The following MAPKAPK3 variants were observed in gnomAD, a reference collection of about 807,000 sequenced individuals.
MAPKAPK3 encodes the protein MAP kinase-activated protein kinase 3.
A neutral mutation model predicts 49.2 loss-of-function variants in MAPKAPK3; 35 were observed. The ratio of observed to expected loss-of-function variants is 0.71; its 90% CI spans 0.54 to 0.94. The LOEUF is 0.94. MAPKAPK3 is among the 40% of genes least tolerant of loss of function. The pLI, the probability that MAPKAPK3 is intolerant of heterozygous loss-of-function variation, is 0.00. For synonymous variants in MAPKAPK3, 178 were observed against 188.7 expected (o/e 0.94, Z 0.46); for missense variants, 398 against 493.1 (o/e 0.81, Z 1.83).
intron 2 of MAPKAPK3, among the ~76,000 whole-genome samples, chr3:50,623,050 G>T (rs2032648207): frequency 6.6e-6 from 1 of 152,200 alleles, no homozygotes; most frequent in South Asian, 2.1e-4. Context: ...AAGCTGCCAG[G>T]CAGGCCAGGC....
rs969400582 is a variant in MAPKAPK3, at chr3:50,617,881, T to C, written c.219+97T>C. On this transcript the variant is annotated intron_variant, in intron 2 of 10. Coordinates refer to ENST00000621469, the MANE Select transcript of MAPKAPK3 (RefSeq NM_001243925.2). ...TCTAGCGCCCCTGCTAAGCTTCCTA[T>C]GCTCAGCAACATGTTTCATCGTCAT... The C allele has an allele frequency of 4.9e-5, 45 of 913,490 alleles. No individual in the cohort carries two copies. The African/African-American group carries it at 6.4e-4, about 13-fold the overall frequency. The allele number at this position is 913,490 out of a possible 1,614,324, so 56.6% of individuals were successfully genotyped here.
rs1446697428 is a variant in MAPKAPK3, at chr3:50,617,756, G to A, written c.191G>A (p.Arg64Gln). The change falls in exon 2 of 11, where the codon CGG becomes CAG. Residue 64 changes from arginine (R) to glutamine (Q), a missense_variant. Transcript: ENST00000621469. ...VNGKVLECFHRRTGQKCALKL... is the reference protein window; with the variant it reads ...VNGKVLECFHQRTGQKCALKL... ...GGCAAAGTGCTGGAGTGCTTCCATC[G>A]GCGCACTGGACAGAAGTGTGCCCTG... 2 of 1,613,612 alleles carry A rather than the reference G, an allele frequency of 1.2e-6. No homozygotes were observed. The highest frequency in any genetic ancestry group is 1.7e-6 in the Non-Finnish European group (2 of 1,180,010).
At chr3:50,620,229 G>A (rs34632971) in intron 2 of MAPKAPK3, among the ~76,000 whole-genome samples, 14,235 of 152,092 alleles carry the variant, frequency 0.094, 827 homozygotes, top group Non-Finnish European at 0.12. Flanking sequence ...GGAAGACCAG[G>A]ACCTGGGGAC....
chr3:50,636,460 T>C (rs1055016313), intron 2 of MAPKAPK3, among the ~76,000 whole-genome samples: 2 of 152,248 alleles, frequency 1.3e-5, no homozygotes, highest in Non-Finnish European at 2.9e-5. Flanking sequence ...TTGTATGTTG[T>C]GAGCAAGTGC....
intron 2 of MAPKAPK3, among the ~76,000 whole-genome samples, chr3:50,624,247 G>A (rs1329325881): frequency 1.3e-5 from 2 of 152,140 alleles, no homozygotes; most frequent in South Asian, 2.1e-4. Context: ...GGCACAGGGT[G>A]TATGTGTGTG....
intron 2 of MAPKAPK3, among the ~76,000 whole-genome samples, chr3:50,630,933 G>A (rs1041257723): frequency 3.9e-5 from 6 of 152,232 alleles, no homozygotes; most frequent in African/African-American, 1.4e-4. Flanking sequence ...GGGACAGACT[G>A]TTGTCCTGTA....
chr3:50,620,034 T>G (rs1289147865), intron 2 of MAPKAPK3, among the ~76,000 whole-genome samples: 1 of 152,224 alleles, frequency 6.6e-6, no homozygotes. Context: ...AGGACCTTCC[T>G]GTTCTTAGTA....
At chr3:50,625,476 G>A (rs753415201) in intron 2 of MAPKAPK3, among the ~76,000 whole-genome samples, 3 of 152,216 alleles carry the variant, frequency 2.0e-5, no homozygotes, top group African/African-American at 7.2e-5. Flanking sequence ...TGTGGGAACC[G>A]TGGAGGTTTG....
chr3:50,641,412 A>C (rs990059265), intron 3 of MAPKAPK3, among the ~76,000 whole-genome samples: 4 of 152,194 alleles, frequency 2.6e-5, no homozygotes, highest in South Asian at 2.1e-4. Flanking sequence ...TGGGGTTGGG[A>C]GTACCCAAGC....
chr3:50,639,469 T>C (rs2033122335), intron 2 of MAPKAPK3, among the ~76,000 whole-genome samples: 1 of 152,132 alleles, frequency 6.6e-6, no homozygotes, highest in African/African-American at 2.4e-5. Flanking sequence ...TGGTACTGCA[T>C]AGCAGCTCCC....
At chr3:50,617,294 T>G in intron 1 of MAPKAPK3, 53 bp downstream of exon 1, 3 of 347,128 alleles carry the variant, frequency 8.6e-6, no homozygotes, top group East Asian at 4.5e-5. Flanking sequence ...CTCGCGGCCA[T>G]TAGGCGCCCG....
At chr3:50,645,299 A>T (rs940613738) in intron 6 of MAPKAPK3, among the ~76,000 whole-genome samples, 1 of 152,164 alleles carries the variant, frequency 6.6e-6, no homozygotes, top group Non-Finnish European at 1.5e-5. Flanking sequence ...CTGATGATGG[A>T]ATGCAGAGCC....
At chr3:50,637,468 C>T (rs1156540915) in intron 2 of MAPKAPK3, among the ~76,000 whole-genome samples, 1 of 151,738 alleles carries the variant, frequency 6.6e-6, no homozygotes, top group Non-Finnish European at 1.5e-5. Flanking sequence ...AACCCCATCT[C>T]CACTAAAAAT....
intron 9 of MAPKAPK3, 93 bp downstream of exon 9, chr3:50,646,918 G>A: frequency 4.5e-6 from 6 of 1,329,426 alleles, no homozygotes; most frequent in South Asian, 1.2e-5. Context: ...AGGCCCCAGT[G>A]CAGGGCTGGA....
chr3:50,641,101 A>AGATGTAAGAT (rs2033167636), intron 3 of MAPKAPK3, among the ~76,000 whole-genome samples: 1 of 152,174 alleles, frequency 6.6e-6, no homozygotes, highest in Non-Finnish European at 1.5e-5. Context: ...AATCTCTGTA[A>AGATGTAAGAT]CTCAGATGTA....
At chr3:50,638,553 G>A (rs2033096380) in intron 2 of MAPKAPK3, among the ~76,000 whole-genome samples, 1 of 152,206 alleles carries the variant, frequency 6.6e-6, no homozygotes, top group Non-Finnish European at 1.5e-5. Flanking sequence ...TGGAGCAGGG[G>A]CACAGAGCTG....
Position 50,645,764 on chromosome 3 carries a change from T to C in MAPKAPK3, c.683T>C (p.Leu228Pro). 1 of 1,614,152 alleles carries C rather than the reference T, an allele frequency of 6.2e-7. No homozygotes were observed. The highest frequency in any genetic ancestry group is 8.5e-7 in the Non-Finnish European group (1 of 1,180,004). The change falls in exon 7 of 11, where the codon CTG (leucine) becomes CCG (proline). Residue 228 changes from leucine to proline, a missense_variant. This residue lies in a region of MAPKAPK3 where 30 missense variants were observed against 70.5 expected (regional missense o/e 0.43). Coordinates refer to ENST00000621469, the MANE Select transcript of MAPKAPK3 (RefSeq NM_001243925.2). ...GACAAGTCATGTGACATGTGGTCCC[T>C]GGGTGTCATCATGTACATCCTGTGA... ...KYDKSCDMWS[L>P]GVIMYILLCG...
chr3:50,617,306 C>T (rs2107569387), intron 1 of MAPKAPK3, 65 bp downstream of exon 1: 1 of 380,820 alleles, frequency 2.6e-6, no homozygotes, highest in Non-Finnish European at 4.7e-6. Flanking sequence ...AGGCGCCCGG[C>T]CCCTTCCCTT....
chr3:50,628,851 C>T (rs1057446375), intron 2 of MAPKAPK3, among the ~76,000 whole-genome samples: 14 of 152,158 alleles, frequency 9.2e-5, no homozygotes, highest in Non-Finnish European at 1.8e-4. Flanking sequence ...CAAGCTGGGG[C>T]TTGGGAAGGT....
Sources: allele counts gnomAD v4.1 joint callset (sites outside exome capture counted in the v4.1 genomes callset), GRCh38; gene constraint gnomAD v4.1.1; regional missense constraint gnomAD v4.1.1; transcripts MANE v1.5; gene names NCBI Gene and HGNC (gene_info 2026-07-23, HGNC 2026-07-21).